The following PRKCE variants were observed in gnomAD, a reference collection of about 807,000 sequenced individuals.
PRKCE encodes the protein protein kinase C epsilon type.
In PRKCE, 16 loss-of-function variants were observed where a neutral mutation model predicts 85.4. The observed-to-expected ratio is 0.19, with a 90% confidence interval of 0.13 to 0.28. The LOEUF (loss-of-function observed/expected upper bound fraction) is 0.28, where lower values mean the gene tolerates loss of function less well. PRKCE is among the 10% of genes least tolerant of loss of function. The pLI is 1.00. For missense variants in PRKCE, 573 were observed against 975.2 expected (o/e 0.59, Z 5.49); for synonymous variants, 388 against 371.5 (o/e 1.04, Z -0.51).
chr2:45,796,217 G>T (rs1007072231), intron 1 of PRKCE, among the ~76,000 whole-genome samples: 3 of 152,130 alleles, frequency 2.0e-5, no homozygotes, highest in African/African-American at 4.8e-5. Context: ...AAATGTCCAG[G>T]TGTCGTTTGT....
chr2:45,859,469 T>C (rs943550669), intron 2 of PRKCE, among the ~76,000 whole-genome samples: 8 of 152,260 alleles, frequency 5.3e-5, no homozygotes, highest in Non-Finnish European at 7.3e-5. Context: ...GTTTTTTATC[T>C]TCATGAATAT....
chr2:45,723,388 C>T (rs746233667), intron 1 of PRKCE, among the ~76,000 whole-genome samples: 27 of 152,122 alleles, frequency 1.8e-4, no homozygotes, highest in South Asian at 4.1e-4. Flanking sequence ...CTTCCAGGGC[C>T]TGAGGTTGAA....
At chr2:45,924,460 T>C in intron 2 of PRKCE, among the ~76,000 whole-genome samples, 1 of 152,114 alleles carries the variant, frequency 6.6e-6, no homozygotes, top group Non-Finnish European at 1.5e-5. Context: ...TCACTGTATG[T>C]TTGTGTTCTA....
chr2:46,161,492 C>G (rs1221912914), intron 14 of PRKCE, among the ~76,000 whole-genome samples: 1 of 152,152 alleles, frequency 6.6e-6, no homozygotes, highest in Non-Finnish European at 1.5e-5. Flanking sequence ...GTCTCCAGGT[C>G]TCAGCAAAAC....
chr2:45,819,398 G>T (rs775158408), intron 1 of PRKCE, among the ~76,000 whole-genome samples: 3 of 152,108 alleles, frequency 2.0e-5, no homozygotes, highest in African/African-American at 7.2e-5. Context: ...TTCCTCTGGG[G>T]CTGTCAGGGA....
At chr2:45,971,403 T>G (rs182716260) in intron 2 of PRKCE, among the ~76,000 whole-genome samples, 31 of 152,344 alleles carry the variant, frequency 2.0e-4, no homozygotes, top group African/African-American at 6.7e-4. Flanking sequence ...CTTCTTTTTT[T>G]CGTTTTTTAG....
intron 1 of PRKCE, among the ~76,000 whole-genome samples, chr2:45,739,726 G>A (rs539852940): frequency 1.3e-5 from 2 of 152,224 alleles, no homozygotes; most frequent in South Asian, 4.2e-4. Flanking sequence ...AAGGGGCCCA[G>A]GGAATTTTTT....
chr2:46,056,986 G>A (rs1459262306), intron 10 of PRKCE, among the ~76,000 whole-genome samples: 1 of 152,178 alleles, frequency 6.6e-6, no homozygotes, highest in African/African-American at 2.4e-5. Flanking sequence ...TGTGGCTACA[G>A]AGGGTTTGAA....
At chr2:45,815,483 G>A (rs961090651) in intron 1 of PRKCE, among the ~76,000 whole-genome samples, 1 of 152,126 alleles carries the variant, frequency 6.6e-6, no homozygotes, top group African/African-American at 2.4e-5. Context: ...GTTGTCTCCT[G>A]TCAGGTTCCA....
chr2:45,883,404 GCTCAGCT>G, intron 2 of PRKCE, among the ~76,000 whole-genome samples: 1 of 152,352 alleles, frequency 6.6e-6, no homozygotes, highest in Admixed American at 6.5e-5. Context: ...CCTGCTGCTG[GCTCAGCT>G]GTGGCCAGTG....
chr2:46,011,327 A>G (rs1705654199), intron 10 of PRKCE, among the ~76,000 whole-genome samples: 1 of 152,320 alleles, frequency 6.6e-6, no homozygotes, highest in East Asian at 1.9e-4. Flanking sequence ...GAGAGGTGAT[A>G]CCTTGCTTCT....
At chr2:45,747,133 C>A (rs946588691) in intron 1 of PRKCE, among the ~76,000 whole-genome samples, 1 of 152,202 alleles carries the variant, frequency 6.6e-6, no homozygotes, top group African/African-American at 2.4e-5. Flanking sequence ...GTTTCTCATT[C>A]TCTTGCATCT....
At chr2:45,854,841 G>A (rs192734779) in intron 2 of PRKCE, among the ~76,000 whole-genome samples, 17 of 152,204 alleles carry the variant, frequency 1.1e-4, no homozygotes, top group Non-Finnish European at 2.5e-4. Context: ...AATAGAGAGA[G>A]AACTTATTCT....
At chr2:45,966,320 G>A (rs757645106) in intron 2 of PRKCE, among the ~76,000 whole-genome samples, 6 of 152,118 alleles carry the variant, frequency 3.9e-5, no homozygotes, top group Non-Finnish European at 7.4e-5. Context: ...ATACTATCTC[G>A]CACGTGTGTG....
intron 1 of PRKCE, among the ~76,000 whole-genome samples, chr2:45,691,161 T>C (rs531415154): frequency 2.0e-5 from 3 of 152,210 alleles, no homozygotes; most frequent in Non-Finnish European, 4.4e-5. Flanking sequence ...ACCAGCGAGC[T>C]GTGTCCGTCA....
At chr2:45,732,375 C>G (rs1188822404) in intron 1 of PRKCE, among the ~76,000 whole-genome samples, 1 of 152,080 alleles carries the variant, frequency 6.6e-6, no homozygotes, top group African/African-American at 2.4e-5. Flanking sequence ...AGTATCAACT[C>G]ACAGGGCAGA....
rs116716711 is a variant in PRKCE at position 45,712,453 on chromosome 2, G to A, written c.348+60005G>A. Reference sequence around the variant, plus strand: ...TTACAGGCATGAGTCACTGCGCCCGGCCTGTCCTGTCTTTTTGACACCCAA... The same window carrying A: ...TTACAGGCATGAGTCACTGCGCCCGACCTGTCCTGTCTTTTTGACACCCAA... On this transcript the variant is annotated intron_variant, in intron 1 of 14. Transcript: ENST00000306156. 3.7e-3 allele frequency among the ~76,000 whole-genome samples: 557 copies of A among 152,172 alleles called. 4 individuals carry two copies. The highest frequency in any genetic ancestry group is 0.013 in the African/African-American group (526 of 41,502).
chr2:45,950,613 C>T (rs769733688), intron 2 of PRKCE, among the ~76,000 whole-genome samples: 12 of 152,104 alleles, frequency 7.9e-5, no homozygotes, highest in South Asian at 4.1e-4. Flanking sequence ...CCTGGGATTA[C>T]AAGATGCCTG....
chr2:46,144,018 T>C (rs908539900), intron 11 of PRKCE, among the ~76,000 whole-genome samples: 12 of 152,200 alleles, frequency 7.9e-5, no homozygotes, highest in Non-Finnish European at 1.0e-4. Context: ...CATCCCAGCA[T>C]GGCTGTTGCG....
Sources: gnomAD v4.1 joint callset for allele counts (sites outside exome capture counted in the v4.1 genomes callset) on GRCh38, gnomAD v4.1.1 for gene constraint, MANE v1.5 for transcripts, NCBI Gene and HGNC (gene_info 2026-07-23, HGNC 2026-07-21) for gene names.